CAMSAP2: variants seen among roughly 807,000 people sequenced by gnomAD.
The protein encoded by CAMSAP2 is calmodulin-regulated spectrin-associated protein 2.
Under a neutral mutation model 146.1 loss-of-function variants are expected in CAMSAP2, and 26 were observed. The ratio of observed to expected loss-of-function variants is 0.18; its 90% CI spans 0.13 to 0.25. CAMSAP2 has a LOEUF of 0.25. Ranked by LOEUF, CAMSAP2 falls within the 10% of genes least tolerant of loss-of-function variation. The probability of loss-of-function intolerance (pLI) is 1.00; values close to 1 mark genes in which losing one functional copy is unlikely to be tolerated. For missense variants in CAMSAP2, 1,381 were observed against 1,759.3 expected, an observed-to-expected ratio of 0.78 and a Z score of 3.85; for synonymous variants, 499 against 596.6, an observed-to-expected ratio of 0.84 and a Z score of 2.38.
At chr1:200,828,238 C>T (rs914664424) in intron 4 of CAMSAP2, among the ~76,000 whole-genome samples, 4 of 151,980 alleles carry the variant, frequency 2.6e-5, no homozygotes, top group Non-Finnish European at 5.9e-5. Context: ...TTTTACTTCC[C>T]TTTTGTGATA....
chr1:200,776,758 CCAGA>C (rs1279073928), intron 2 of CAMSAP2, among the ~76,000 whole-genome samples: 1 of 150,118 alleles, frequency 6.7e-6, no homozygotes, highest in Non-Finnish European at 1.5e-5. Flanking sequence ...AACAAAAAAC[CCAGA>C]CATTCATGAA....
chr1:200,832,902 A>C lies in CAMSAP2; in HGVS notation c.927+57A>C, dbSNP rs148059550. The C allele has an allele frequency of 3.5e-3, 4,971 of 1,432,232 alleles. 66 individuals carry two copies. The highest frequency in any genetic ancestry group is 0.032 in the African/African-American group (2,195 of 69,346). The allele number at this position is 1,432,232 out of a possible 1,614,324, so 88.7% of individuals were successfully genotyped here. A position where few individuals can be genotyped will look rare whatever the true frequency, so the allele number is the denominator to read the frequency against. ...TTTGTTAAAATATGTTTTTTTAAAA[A>C]ACAAACAAAAACACCGGGAACAGTG... On this transcript the variant is annotated intron_variant, in intron 6 of 16. Coordinates refer to ENST00000358823, the MANE Select transcript of CAMSAP2 (RefSeq NM_203459.4). This position sits in a 1 kb window ranked among gnomAD's most constrained non-coding sequence, Gnocchi z 4.2.
intron 2 of CAMSAP2, among the ~76,000 whole-genome samples, chr1:200,761,851 CAG>C (rs1664812125): frequency 6.6e-6 from 1 of 152,174 alleles, no homozygotes; most frequent in African/African-American, 2.4e-5. Flanking sequence ...ACAACACACA[CAG>C]AAGGCCTCTA....
At chr1:200,790,931 G>A (rs1963260) in intron 2 of CAMSAP2, among the ~76,000 whole-genome samples, 26,148 of 151,758 alleles carry the variant, frequency 0.17, 2,991 homozygotes, top group East Asian at 0.35. Context: ...TGTAACCTCC[G>A]CCTCTCAGGT....
At chr1:200,808,364 C>G (rs1666237525) in intron 3 of CAMSAP2, among the ~76,000 whole-genome samples, 1 of 152,226 alleles carries the variant, frequency 6.6e-6, no homozygotes, top group African/African-American at 2.4e-5. Context: ...GATCCACTTT[C>G]ATTTACAACT....
intron 3 of CAMSAP2, among the ~76,000 whole-genome samples, chr1:200,810,562 C>A (rs1367415479): frequency 7.0e-6 from 1 of 142,718 alleles, no homozygotes; most frequent in Non-Finnish European, 1.5e-5. Context: ...GGTGACAGAG[C>A]GAGACTCCAT....
chr1:200,743,980 A>G (rs1225610671), intron 1 of CAMSAP2, among the ~76,000 whole-genome samples: 1 of 139,824 alleles, frequency 7.2e-6, no homozygotes, highest in Non-Finnish European at 1.6e-5. Context: ...ATAAATAAAT[A>G]AAGCTGCTAA....
intron 2 of CAMSAP2, among the ~76,000 whole-genome samples, chr1:200,806,156 G>A (rs1044887061): frequency 6.6e-6 from 1 of 152,156 alleles, no homozygotes; most frequent in African/African-American, 2.4e-5. Context: ...AAAGTTGAAA[G>A]TCTGGAGAAA....
chr1:200,744,443 A>C (rs1364456770), intron 1 of CAMSAP2, among the ~76,000 whole-genome samples: 2 of 152,204 alleles, frequency 1.3e-5, no homozygotes, highest in Non-Finnish European at 2.9e-5. Flanking sequence ...AAAGTATAGT[A>C]ACACTGAAGC....
chr1:200,806,763 G>A (rs866708356), intron 2 of CAMSAP2, among the ~76,000 whole-genome samples: 244 of 117,728 alleles, frequency 2.1e-3, no homozygotes, highest in African/African-American at 7.4e-3. Flanking sequence ...GTGTGTGTGT[G>A]TGTATCTATC....
chr1:200,857,034 T>C lies in CAMSAP2; in HGVS notation c.4013-272T>C, dbSNP rs934129451. Among the ~76,000 whole-genome samples the C allele has an allele frequency of 1.3e-5, 2 of 152,138 alleles. No homozygotes were observed. Among genetic ancestry groups the C allele is most frequent in the Admixed American group, 6.5e-5 (1 of 15,272 alleles). ...AACCGTATAGATTTAAGAAAGAAGG[T>C]TAAATAGGCAGTATGACAGTTATAG... On this transcript the variant is annotated intron_variant, in intron 15 of 16. Coordinates refer to ENST00000358823, the MANE Select transcript of CAMSAP2 (RefSeq NM_203459.4). The surrounding 1 kb of genome is among the most constrained non-coding windows in gnomAD (Gnocchi z 4.7).
intron 2 of CAMSAP2, among the ~76,000 whole-genome samples, chr1:200,766,087 G>T (rs1029154137): frequency 1.3e-5 from 2 of 151,754 alleles, no homozygotes; most frequent in Non-Finnish European, 2.9e-5. Flanking sequence ...AATTATTGCA[G>T]TCTGTTAATT....
chr1:200,802,510 T>A (rs1352091524), intron 2 of CAMSAP2, among the ~76,000 whole-genome samples: 1 of 152,198 alleles, frequency 6.6e-6, no homozygotes, highest in Non-Finnish European at 1.5e-5. Context: ...TGAAAAACTA[T>A]AGAGTTTAAT....
At chr1:200,760,480 G>A (rs927597880) in intron 1 of CAMSAP2, among the ~76,000 whole-genome samples, 17 of 152,278 alleles carry the variant, frequency 1.1e-4, no homozygotes, top group African/African-American at 4.1e-4. Flanking sequence ...TTGACAGCTT[G>A]CCTGTGAGGA....
chr1:200,778,850 G>A (rs1217212270), intron 2 of CAMSAP2, among the ~76,000 whole-genome samples: 1 of 151,948 alleles, frequency 6.6e-6, no homozygotes, highest in Non-Finnish European at 1.5e-5. Context: ...GAATTTTATT[G>A]GGTTGGGTCC....
At chr1:200,826,323 T>G (rs775448762) in intron 4 of CAMSAP2, among the ~76,000 whole-genome samples, 2 of 151,480 alleles carry the variant, frequency 1.3e-5, no homozygotes, top group Non-Finnish European at 1.5e-5. Context: ...TCCCAGCTAC[T>G]AGGGAGGCTG....
chr1:200,747,223 G>C (rs146463458), intron 1 of CAMSAP2, among the ~76,000 whole-genome samples: 1 of 152,090 alleles, frequency 6.6e-6, no homozygotes, highest in African/African-American at 2.4e-5. Flanking sequence ...TTGAGGGAGC[G>C]TATGGAGAAA....
intron 2 of CAMSAP2, among the ~76,000 whole-genome samples, chr1:200,782,918 C>T (rs1302324400): frequency 6.6e-6 from 1 of 150,732 alleles, no homozygotes; most frequent in African/African-American, 2.4e-5. Context: ...TCCCAAGTAG[C>T]GTGCACTACC....
intron 1 of CAMSAP2, among the ~76,000 whole-genome samples, chr1:200,759,822 G>T (rs1021838911): frequency 2.0e-5 from 3 of 152,174 alleles, no homozygotes; most frequent in Non-Finnish European, 4.4e-5. Context: ...CCTCATCCTT[G>T]TCCTGCTTCG....
Sources: allele counts gnomAD v4.1 joint callset (sites outside exome capture counted in the v4.1 genomes callset), GRCh38; gene constraint gnomAD v4.1.1; non-coding constraint Gnocchi (gnomAD v3.1); transcripts MANE v1.5; gene names NCBI Gene and HGNC (gene_info 2026-07-23, HGNC 2026-07-21).